Variants in SGCZ observed in about 807,000 individuals in gnomAD.
The protein encoded by SGCZ is zeta-sarcoglycan.
SGCZ carries 40 observed loss-of-function variants against 41.3 expected under a neutral mutation model. The ratio of observed to expected loss-of-function variants is 0.97; its 90% CI spans 0.75 to 1.26. The LOEUF (loss-of-function observed/expected upper bound fraction) is 1.26. Among genes scored for constraint, SGCZ ranks in the 50% most tolerant of loss-of-function variants. The pLI is 0.00. For missense variants in SGCZ, 552 were observed against 369.8 expected, an observed-to-expected ratio of 1.49 and a Z score of -4.04; for synonymous variants, 206 against 137.5, an observed-to-expected ratio of 1.50 and a Z score of -3.49.
intron 1 of SGCZ, among the ~76,000 whole-genome samples, chr8:15,118,033 C>T (rs185653581): frequency 6.6e-6 from 1 of 152,114 alleles, no homozygotes; most frequent in Non-Finnish European, 1.5e-5. Context: ...ATAAGAATGT[C>T]CTTGTGATTG....
rs1184539384 is a variant in SGCZ, at chr8:14,306,466, G to A, written c.336+17637C>T. On this transcript the variant is annotated intron_variant, in intron 3 of 7. Coordinates refer to ENST00000382080, the MANE Select transcript of SGCZ (RefSeq NM_139167.4). ...ATTTCTCTGTAAAATCATTCTACTA[G>A]ATTGGATTATTTTCCAGTTTATCTC... 2.0e-5 allele frequency among the ~76,000 whole-genome samples: 3 copies of A among 152,080 alleles called. No homozygotes were observed. The South Asian group carries it at 6.2e-4, about 31-fold the overall frequency.
chr8:14,123,196 G>A (rs1049121953), intron 5 of SGCZ, among the ~76,000 whole-genome samples: 1 of 152,154 alleles, frequency 6.6e-6, no homozygotes, highest in African/African-American at 2.4e-5. Context: ...AACAATAAAG[G>A]GGTGATGAGT....
At position 15,167,799 on chromosome 8, in the gene SGCZ, G is replaced by A. The variant is rs892037585; in HGVS notation, c.39+69786C>T. On this transcript the variant is annotated intron_variant, in intron 1 of 7. Transcript: ENST00000382080. ...CCTATATTTTAGGCTAACCCTGCTT[G>A]TTCCTGTGAACCAACCAGCAACCTC... 5.3e-5 allele frequency among the ~76,000 whole-genome samples: 8 copies of A among 152,276 alleles called. No homozygotes were observed. In the East Asian group the frequency reaches 1.5e-3, roughly 29 times the overall value.
rs541073021 is a variant in SGCZ at position 14,661,269 on chromosome 8, G to C, written c.40-106343C>G. On this transcript the variant is annotated intron_variant, in intron 1 of 7. Transcript: ENST00000382080. ...AGAGTAACTTAAAATAGAATATTAA[G>C]CGATAAGCAAGAATGCATGTTTCCA... Among the ~76,000 whole-genome samples the C allele has an allele frequency of 5.9e-5, 9 of 152,182 alleles. No homozygotes were observed. In the East Asian group the frequency reaches 1.5e-3, roughly 26 times the overall value.
intron 1 of SGCZ, among the ~76,000 whole-genome samples, chr8:15,136,698 T>C (rs1808118831): frequency 6.6e-6 from 1 of 152,160 alleles, no homozygotes. Flanking sequence ...TGCCACCCTG[T>C]GAAGAGGTGC....
In SGCZ at chr8:14,809,753, A is replaced by G. The variant is rs1302846278; in HGVS notation, c.40-254827T>C. On this transcript the variant is annotated intron_variant, in intron 1 of 7. Transcript: ENST00000382080. ...CAGTACCCATGAGGGAGGACTGTGC[A>G]CTATCTGGGAAAAACTTTCTATGAT... 2.0e-5 allele frequency among the ~76,000 whole-genome samples: 3 copies of G among 152,154 alleles called. 1 individual carries two copies. Among genetic ancestry groups the G allele is most frequent in the South Asian group, 4.1e-4 (2 of 4,836 alleles).
At chr8:15,123,562 T>A (rs1191897094) in intron 1 of SGCZ, among the ~76,000 whole-genome samples, 1 of 152,150 alleles carries the variant, frequency 6.6e-6, no homozygotes, top group Admixed American at 6.6e-5. Context: ...TTATTACGAT[T>A]TGATCAAGCC....
At chr8:14,602,465 G>T (rs2117316208) in intron 1 of SGCZ, among the ~76,000 whole-genome samples, 1 of 152,108 alleles carries the variant, frequency 6.6e-6, no homozygotes, top group East Asian at 1.9e-4. Flanking sequence ...TGGGAGGATT[G>T]CTTGAACCCA....
rs75341231 is a variant in SGCZ, at chr8:15,025,446, C to T, written c.39+212139G>A. Among the ~76,000 whole-genome samples the T allele has an allele frequency of 2.1e-3, 318 of 152,292 alleles. 1 individual carries two copies. Among genetic ancestry groups the T allele is most frequent in the African/African-American group, 7.4e-3 (309 of 41,574 alleles). On this transcript the variant is annotated intron_variant, in intron 1 of 7. Coordinates refer to ENST00000382080, the MANE Select transcript of SGCZ (RefSeq NM_139167.4). ...ACTGAAAAATAAAACCTTTCTGCCT[C>T]AGGCAGATTTTTCTTTTGCTAGCTG...
chr8:14,777,677 G>A (rs1308068531), intron 1 of SGCZ, among the ~76,000 whole-genome samples: 1 of 152,096 alleles, frequency 6.6e-6, no homozygotes, highest in Non-Finnish European at 1.5e-5. Context: ...AGGACATGAT[G>A]TTTGCAACTT....
intron 1 of SGCZ, among the ~76,000 whole-genome samples, chr8:14,776,709 G>A (rs1406806919): frequency 6.6e-6 from 1 of 151,534 alleles, no homozygotes; most frequent in African/African-American, 2.4e-5. Context: ...TAGCCAGGAT[G>A]GTCTCCATCT....
chr8:14,813,460 GT>G (rs1801797011), intron 1 of SGCZ, among the ~76,000 whole-genome samples: 1 of 152,070 alleles, frequency 6.6e-6, no homozygotes, highest in Non-Finnish European at 1.5e-5. Flanking sequence ...TAAATTGTTC[GT>G]TACACAACTC....
chr8:14,113,848 A>G (rs568847839), intron 5 of SGCZ, among the ~76,000 whole-genome samples: 5 of 152,150 alleles, frequency 3.3e-5, no homozygotes, highest in Admixed American at 2.0e-4. Flanking sequence ...TGGATTTTAC[A>G]TTTCAGTGAC....
intron 1 of SGCZ, among the ~76,000 whole-genome samples, chr8:15,055,792 T>A (rs1804681734): frequency 6.6e-6 from 1 of 152,312 alleles, no homozygotes; most frequent in African/African-American, 2.4e-5. Context: ...AATCCATCAC[T>A]GTCCTTGAGG....
chr8:14,628,406 C>T (rs910497762), intron 1 of SGCZ, among the ~76,000 whole-genome samples: 1 of 152,016 alleles, frequency 6.6e-6, no homozygotes, highest in Admixed American at 6.6e-5. Flanking sequence ...TGTCAGGAAA[C>T]TCACAACAAA....
At chr8:14,095,027 C>A (rs1801799864) in intron 7 of SGCZ, among the ~76,000 whole-genome samples, 1 of 151,778 alleles carries the variant, frequency 6.6e-6, no homozygotes, top group Non-Finnish European at 1.5e-5. Context: ...GGATATTAGC[C>A]CTTTGTCAGA....
intron 5 of SGCZ, among the ~76,000 whole-genome samples, chr8:14,156,661 T>G (rs73213574): frequency 0.012 from 1,870 of 152,340 alleles, 18 homozygotes; most frequent in Middle Eastern, 0.02. Context: ...TATTCAAAAC[T>G]ATTTTCTTTC....
chr8:14,468,728 A>T (rs1349752337), intron 2 of SGCZ, among the ~76,000 whole-genome samples: 1 of 152,074 alleles, frequency 6.6e-6, no homozygotes, highest in African/African-American at 2.4e-5. Flanking sequence ...AAAACATAAA[A>T]ATCAGTTTCT....
intron 2 of SGCZ, among the ~76,000 whole-genome samples, chr8:14,524,149 G>T (rs1802870611): frequency 6.6e-6 from 1 of 151,198 alleles, no homozygotes. Flanking sequence ...GAGTGATTTT[G>T]TACTAAAACC....
Sources: allele counts gnomAD v4.1 joint callset (sites outside exome capture counted in the v4.1 genomes callset), GRCh38; gene constraint gnomAD v4.1.1; transcripts MANE v1.5; gene names NCBI Gene and HGNC (gene_info 2026-07-23, HGNC 2026-07-21).